The following CFAP47 variants were observed in gnomAD, a reference collection of about 807,000 sequenced individuals.
CFAP47 encodes the protein cilia- and flagella-associated protein 47.
Under a neutral mutation model 148.1 loss-of-function variants are expected in CFAP47, and 29 were observed. The observed-to-expected ratio is 0.20, with a 90% confidence interval of 0.15 to 0.27. CFAP47 has a LOEUF of 0.27. Ranked by LOEUF, CFAP47 falls within the 10% of genes least tolerant of loss-of-function variation. The probability of loss-of-function intolerance (pLI) is 1.00; values close to 1 mark genes in which losing one functional copy is unlikely to be tolerated. For missense variants in CFAP47, 1,872 were observed against 1,697.5 expected (o/e 1.10, Z -1.81); for synonymous variants, 664 against 577.3 (o/e 1.15, Z -2.15).
chrX:35,961,591 T>C lies in CFAP47; in HGVS notation c.1411-4974T>C, dbSNP rs371262480. 6.1e-4 allele frequency among the ~76,000 whole-genome samples: 68 copies of C among 111,461 alleles called. 1 individual carries two copies. Among genetic ancestry groups the C allele is most frequent in the East Asian group, 2.0e-3 (7 of 3,567 alleles). On this transcript the variant is annotated intron_variant, in intron 8 of 63. Coordinates refer to ENST00000378653, the MANE Select transcript of CFAP47 (RefSeq NM_001304548.2). ...TAAGAATTTGCCCATGTCATTTAGG[T>C]TATCTGGTTTGTTGGTATTCAGTTG...
intron 21 of CFAP47, among the ~76,000 whole-genome samples, chrX:36,003,967 C>CTTTTTTTTTTT (rs761024902): frequency 2.1e-4 from 14 of 66,381 alleles, no homozygotes; most frequent in African/African-American, 6.1e-4. Context: ...CTTTCTTTTT[C>CTTTTTTTTTTT]TTTTTTTTTT....
chrX:36,000,567 C>T (rs1936902090), intron 20 of CFAP47, 140 bp downstream of exon 20: 3 of 257,642 alleles, frequency 1.2e-5, no homozygotes, highest in South Asian at 5.1e-4. Context: ...TTTTCTTACA[C>T]TCTGTAACTC....
Position 36,223,219 on chromosome X carries a change from A to T in CFAP47, c.6818-5409A>T, listed in dbSNP as rs183703232. On this transcript the variant is annotated intron_variant, in intron 45 of 63. Transcript: ENST00000378653. ...CGTGAGCAAATTAAACTTTTTTTTT[A>T]GTTAAATAAATTTCCCAGTCTCAGG... Among the ~76,000 whole-genome samples, 3 of 110,575 alleles carry T rather than the reference A, an allele frequency of 2.7e-5. No homozygotes were observed. In the East Asian group the frequency reaches 8.6e-4, roughly 32 times the overall value.
In CFAP47 at chrX:36,046,989, C is replaced by T. The variant is rs763398162; in HGVS notation, c.4143C>T (p.Cys1381=). The T allele has an allele frequency of 6.3e-5, 73 of 1,161,991 alleles. 1 individual carries two copies. The South Asian group carries it at 1.3e-3, about 20-fold the overall frequency. Residue 1381 remains cysteine (C), a synonymous_variant, in exon 26 of 64, where the codon TGC becomes TGT. Coordinates refer to ENST00000378653, the MANE Select transcript of CFAP47 (RefSeq NM_001304548.2). ...GTGGAATTAATAATAAGCTCACTTG[C>T]CACCTCAGTTTCAAGTCATCTAAAC... ...SHSGINNKLT[C]HLSFKSSKPV... is the part of the protein sequence containing the mutation.
chrX:36,086,302 A>G (rs1207874189), intron 30 of CFAP47, among the ~76,000 whole-genome samples: 1 of 112,189 alleles, frequency 8.9e-6, no homozygotes, highest in East Asian at 2.8e-4. Context: ...ACACTGAAAC[A>G]TCCCACATCC....
intron 15 of CFAP47, among the ~76,000 whole-genome samples, chrX:35,976,908 T>C (rs1488650439): frequency 8.9e-6 from 1 of 111,812 alleles, no homozygotes; most frequent in Non-Finnish European, 1.9e-5. Context: ...TGCCATTCCC[T>C]GGAGTCTATA....
At chrX:36,313,903 C>T (rs1443218215) in intron 56 of CFAP47, among the ~76,000 whole-genome samples, 2 of 111,651 alleles carry the variant, frequency 1.8e-5, no homozygotes, top group Non-Finnish European at 3.8e-5. Context: ...TTGTTAATCC[C>T]ACAATATTTG....
At position 36,188,661 on chromosome X, in the gene CFAP47, G is replaced by C. The variant is rs1555986031; in HGVS notation, c.6146G>C (p.Cys2049Ser). 2 of 295,765 alleles carry C rather than the reference G, an allele frequency of 6.8e-6. No individual in the cohort carries two copies. Among genetic ancestry groups the C allele is most frequent in the Admixed American group, 1.2e-4 (2 of 16,111 alleles). 24.4% of individuals were successfully genotyped at this position (295,765 alleles called of 1,213,427 possible). Reference sequence around the variant, plus strand: ...AGTGGGAGTGACACTGATCAGGGCTGTTCCGATTCCCCAAATGTCTTACAT... The same window carrying C: ...AGTGGGAGTGACACTGATCAGGGCTCTTCCGATTCCCCAAATGTCTTACAT... ...SSSGSDTDQG[C>S]SDSPNVLHTS... The change falls in exon 41 of 64, where the codon TGT becomes TCT. Residue 2049 changes from cysteine (C) to serine (S), a missense_variant. Coordinates refer to ENST00000378653, the MANE Select transcript of CFAP47 (RefSeq NM_001304548.2).
intron 45 of CFAP47, among the ~76,000 whole-genome samples, chrX:36,212,870 C>T (rs782439978): frequency 1.4e-4 from 15 of 111,053 alleles, no homozygotes; most frequent in African/African-American, 3.9e-4. Flanking sequence ...CTCAGCACTT[C>T]GGGAGGCCAA....
intron 27 of CFAP47, among the ~76,000 whole-genome samples, chrX:36,069,618 G>T (rs1050052189): frequency 9.0e-6 from 1 of 110,937 alleles, no homozygotes; most frequent in Non-Finnish European, 1.9e-5. Flanking sequence ...ATGGTGCTCT[G>T]CTCAGTGCCT....
chrX:36,355,312 G>A (rs1941776880), intron 60 of CFAP47, among the ~76,000 whole-genome samples: 1 of 111,262 alleles, frequency 9.0e-6, no homozygotes, highest in South Asian at 3.7e-4. Flanking sequence ...CAGTATGAAA[G>A]CTCCTCAAAA....
chrX:36,288,338 C>G (rs1267303934), intron 51 of CFAP47, among the ~76,000 whole-genome samples: 10 of 111,873 alleles, frequency 8.9e-5, no homozygotes, highest in African/African-American at 3.2e-4. Context: ...AGCTGCTGTT[C>G]CATTTTGTTT....
At chrX:36,129,342 T>G (rs1938903599) in intron 33 of CFAP47, among the ~76,000 whole-genome samples, 1 of 111,039 alleles carries the variant, frequency 9.0e-6, no homozygotes, top group African/African-American at 3.2e-5. Context: ...AATTCAGTCT[T>G]TCTCCATAGC....
At chrX:36,356,645 A>C (rs1941788520) in intron 60 of CFAP47, among the ~76,000 whole-genome samples, 1 of 111,051 alleles carries the variant, frequency 9.0e-6, no homozygotes, top group African/African-American at 3.3e-5. Context: ...TAGTATATGC[A>C]AAAGCAGACT....
At position 36,347,584 on chromosome X, in the gene CFAP47, G is replaced by A. The variant is rs782581192; in HGVS notation, c.8444-545G>A. On this transcript the variant is annotated intron_variant, in intron 57 of 63. Transcript: ENST00000378653. ...ACAAAATGTGACACATATACACCACGGAATGCTATGCAGCTATAAAAAAGG... is the reference window on the plus strand; with the variant it reads ...ACAAAATGTGACACATATACACCACAGAATGCTATGCAGCTATAAAAAAGG... Among the ~76,000 whole-genome samples the A allele has an allele frequency of 1.2e-3, 136 of 111,933 alleles. 1 individual carries two copies. Among genetic ancestry groups the A allele is most frequent in the African/African-American group, 4.1e-3 (125 of 30,864 alleles).
At chrX:36,160,258 G>T (rs1300145295) in intron 38 of CFAP47, among the ~76,000 whole-genome samples, 1 of 111,360 alleles carries the variant, frequency 9.0e-6, no homozygotes, top group Non-Finnish European at 1.9e-5. Flanking sequence ...CTTCCTATGT[G>T]TAATCTTATT....
At chrX:36,198,484 A>G (rs1206288643) in intron 42 of CFAP47, among the ~76,000 whole-genome samples, 3 of 112,016 alleles carry the variant, frequency 2.7e-5, no homozygotes, top group African/African-American at 9.7e-5. Flanking sequence ...ACTTAAAAAG[A>G]TGCCAAACTC....
At chrX:36,171,054 T>C (rs1228392900) in intron 39 of CFAP47, among the ~76,000 whole-genome samples, 3 of 108,532 alleles carry the variant, frequency 2.8e-5, no homozygotes, top group African/African-American at 6.7e-5. Context: ...CCAGTGATGG[T>C]GAGCATTTTT....
At chrX:35,964,194 T>G (rs1322154243) in intron 8 of CFAP47, among the ~76,000 whole-genome samples, 1 of 111,678 alleles carries the variant, frequency 9.0e-6, no homozygotes, top group African/African-American at 3.2e-5. Context: ...TGGAAATGTC[T>G]TAATTTATAC....
Sources: gnomAD v4.1 joint callset for allele counts (sites outside exome capture counted in the v4.1 genomes callset) on GRCh38, gnomAD v4.1.1 for gene constraint, MANE v1.5 for transcripts, NCBI Gene and HGNC (gene_info 2026-07-23, HGNC 2026-07-21) for gene names.